Variants in ADGRL3 observed in about 807,000 individuals in gnomAD.
ADGRL3 encodes adhesion G protein-coupled receptor L3.
ADGRL3 carries 62 observed loss-of-function variants against 153.5 expected under a neutral mutation model. That is an observed-to-expected ratio of 0.40 (90% CI 0.33 to 0.50). ADGRL3 has a LOEUF of 0.50. ADGRL3 is among the 20% of genes least tolerant of loss of function. ADGRL3 has a pLI of 0.47. For synonymous variants in ADGRL3, 710 were observed against 672.5 expected (o/e 1.06, Z -0.86); for missense variants, 1,641 against 1,859.4 (o/e 0.88, Z 2.16).
chr4:61,980,618 T>G (rs1170061331), intron 18 of ADGRL3, among the ~76,000 whole-genome samples: 3 of 151,934 alleles, frequency 2.0e-5, no homozygotes, highest in Non-Finnish European at 4.4e-5. Context: ...TTTTTGTATT[T>G]TTAGTAGAGA....
At chr4:61,301,620 G>A (rs766324166) in intron 1 of ADGRL3, among the ~76,000 whole-genome samples, 2 of 152,116 alleles carry the variant, frequency 1.3e-5, no homozygotes, top group Admixed American at 6.5e-5. Flanking sequence ...ATCTTAACTG[G>A]TGTAAAAAAT....
chr4:61,363,664 A>G (rs1176328089), intron 1 of ADGRL3, among the ~76,000 whole-genome samples: 3 of 152,198 alleles, frequency 2.0e-5, no homozygotes, highest in Non-Finnish European at 4.4e-5. Context: ...AAAAGGATGT[A>G]CATATGAAAC....
chr4:61,210,295 C>T (rs1476482204), intron 1 of ADGRL3, among the ~76,000 whole-genome samples: 1 of 152,058 alleles, frequency 6.6e-6, no homozygotes, highest in Non-Finnish European at 1.5e-5. Flanking sequence ...CAAGTAGAAA[C>T]GACACTCCCT....
At chr4:61,922,112 A>G (rs1298862632) in intron 13 of ADGRL3, among the ~76,000 whole-genome samples, 1 of 152,218 alleles carries the variant, frequency 6.6e-6, no homozygotes, top group East Asian at 1.9e-4. Context: ...AAAACAACAG[A>G]TAACAGCCTT....
At chr4:61,252,945 T>A (rs765505243) in intron 1 of ADGRL3, among the ~76,000 whole-genome samples, 1 of 152,190 alleles carries the variant, frequency 6.6e-6, no homozygotes, top group Non-Finnish European at 1.5e-5. Flanking sequence ...TGGATGCTTT[T>A]TTCTCCTCTG....
At chr4:61,309,377 C>A (rs1233976467) in intron 1 of ADGRL3, among the ~76,000 whole-genome samples, 16 of 152,138 alleles carry the variant, frequency 1.1e-4, no homozygotes, top group African/African-American at 3.4e-4. Flanking sequence ...AATTAAAATG[C>A]AGCTTAGTAA....
chr4:62,037,136 G>A (rs182315943), intron 23 of ADGRL3, among the ~76,000 whole-genome samples: 1 of 152,184 alleles, frequency 6.6e-6, no homozygotes, highest in African/African-American at 2.4e-5. Flanking sequence ...TTGAACGTTT[G>A]ATCTCTTTTA....
At chr4:61,748,634 T>A (rs1233124309) in intron 8 of ADGRL3, among the ~76,000 whole-genome samples, 2 of 152,100 alleles carry the variant, frequency 1.3e-5, no homozygotes, top group African/African-American at 2.4e-5. Context: ...TAATAAATGG[T>A]GTTGGGAAAA....
At chr4:61,313,882 G>A (rs560164431) in intron 1 of ADGRL3, among the ~76,000 whole-genome samples, 7 of 152,152 alleles carry the variant, frequency 4.6e-5, no homozygotes, top group East Asian at 1.9e-4. Context: ...CCATCCCATC[G>A]CAGGGAGCAC....
At chr4:61,887,447 C>A (rs550309995) in intron 9 of ADGRL3, among the ~76,000 whole-genome samples, 80 of 152,214 alleles carry the variant, frequency 5.3e-4, no homozygotes, top group African/African-American at 1.8e-3. Context: ...AATTCACTTA[C>A]TAGTTAAGCC....
chr4:61,266,337 T>C (rs1560403405), intron 1 of ADGRL3, among the ~76,000 whole-genome samples: 1 of 151,838 alleles, frequency 6.6e-6, no homozygotes, highest in Non-Finnish European at 1.5e-5. Flanking sequence ...TAAATGCATT[T>C]GTAGATACTT....
At chr4:61,857,132 A>G (rs932374980) in intron 9 of ADGRL3, among the ~76,000 whole-genome samples, 5 of 133,166 alleles carry the variant, frequency 3.8e-5, no homozygotes, top group Admixed American at 2.5e-4. Flanking sequence ...GTGTCTTGCT[A>G]TCTTACCCAG....
chr4:61,726,729 A>G (rs1156743155), intron 6 of ADGRL3, among the ~76,000 whole-genome samples: 1 of 152,186 alleles, frequency 6.6e-6, no homozygotes, highest in Admixed American at 6.5e-5. Context: ...TCTTTTAACA[A>G]TACTATTACA....
chr4:61,567,041 AAATGCTATGC>A (rs1421721056), intron 4 of ADGRL3, among the ~76,000 whole-genome samples: 1 of 152,202 alleles, frequency 6.6e-6, no homozygotes, highest in Non-Finnish European at 1.5e-5. Context: ...AGGATTTGCC[AAATGCTATGC>A]AATTAGTAGA....
At chr4:61,521,711 T>TATC (rs765013907) in intron 4 of ADGRL3, among the ~76,000 whole-genome samples, 1 of 152,056 alleles carries the variant, frequency 6.6e-6, no homozygotes, top group Non-Finnish European at 1.5e-5. Flanking sequence ...GAAAACCAAG[T>TATC]ATCTGGCTTG....
chr4:62,070,896 C>A lies in ADGRL3; in HGVS notation c.4620C>A (p.Val1540=). The A allele has an allele frequency of 6.5e-7, 1 of 1,547,966 alleles. No individual in the cohort carries two copies. Among genetic ancestry groups the A allele is most frequent in the South Asian group, 1.2e-5 (1 of 83,502 alleles). The change falls in exon 27 of 27, where the codon GTC becomes GTA. Residue 1540 remains valine, a synonymous_variant. Transcript: ENST00000683033. The part of the protein sequence containing the change: ...EGSSKGPAHL[V]TSL The stretch of plus-strand genomic sequence containing the variant: ...GTTCAAAAGGACCGGCTCATTTGGT[C>A]ACTAGTCTATAGAAGATGACACAGA...
At chr4:62,048,606 G>T (rs1732442716) in intron 25 of ADGRL3, among the ~76,000 whole-genome samples, 1 of 151,962 alleles carries the variant, frequency 6.6e-6, no homozygotes, top group African/African-American at 2.4e-5. Flanking sequence ...ACCCTGTTTG[G>T]AGTGCAATAG....
chr4:61,656,307 T>C (rs973298312), intron 5 of ADGRL3, among the ~76,000 whole-genome samples: 1 of 152,200 alleles, frequency 6.6e-6, no homozygotes, highest in Non-Finnish European at 1.5e-5. Context: ...GCTAAACTTA[T>C]ATGTGACCAT....
intron 1 of ADGRL3, among the ~76,000 whole-genome samples, chr4:61,218,706 C>T (rs566644410): frequency 1.3e-5 from 2 of 152,200 alleles, no homozygotes; most frequent in East Asian, 3.9e-4. Context: ...ATGAACTGGT[C>T]AAGCAGCACC....
Sources: gnomAD v4.1 joint callset for allele counts (sites outside exome capture counted in the v4.1 genomes callset) on GRCh38, gnomAD v4.1.1 for gene constraint, MANE v1.5 for transcripts, NCBI Gene and HGNC (gene_info 2026-07-23, HGNC 2026-07-21) for gene names.